Variants in YARS1 observed in about 807,000 individuals in gnomAD.
YARS1 encodes tyrosyl-tRNA synthetase 1.
A neutral mutation model predicts 62.2 loss-of-function variants in YARS1; 36 were observed. The ratio of observed to expected loss-of-function variants is 0.58; its 90% confidence interval spans 0.44 to 0.76. The LOEUF (loss-of-function observed/expected upper bound fraction) is 0.76. Ranked by LOEUF, YARS1 falls within the 30% of genes least tolerant of loss-of-function variation. YARS1 has a pLI of 0.00. For synonymous variants in YARS1, 234 were observed against 244.9 expected (o/e 0.96, Z 0.42); for missense variants, 524 against 639.8 (o/e 0.82, Z 1.95).
chr1:32,802,978 A>ACTTTTTTT (rs1374994869), intron 4 of YARS1, among the ~76,000 whole-genome samples: 1 of 89,412 alleles, frequency 1.1e-5, no homozygotes, highest in Non-Finnish European at 2.3e-5. Flanking sequence ...ACGCCTGGCT[A>ACTTTTTTT]TTTTTTTTTT....
chr1:32,780,735 A>G, intron 10 of YARS1: 2 of 454,572 alleles, frequency 4.4e-6, no homozygotes, highest in Non-Finnish European at 8.1e-6. Flanking sequence ...CCCATCCAAG[A>G]TAAGGCCTGT....
chr1:32,798,196 T>A, intron 4 of YARS1: 1 of 286,392 alleles, frequency 3.5e-6, no homozygotes, highest in Non-Finnish European at 6.8e-6. Context: ...ATTTCTTCTA[T>A]ATGGGTCTGA....
At chr1:32,778,324 G>C (rs750426464) in intron 12 of YARS1, among the ~76,000 whole-genome samples, 117 of 152,310 alleles carry the variant, frequency 7.7e-4, no homozygotes, top group Non-Finnish European at 1.2e-3. Flanking sequence ...TGTCCAGAAG[G>C]CAAGGAGACA....
At chr1:32,801,996 G>A (rs1446715919) in intron 4 of YARS1, among the ~76,000 whole-genome samples, 1 of 132,612 alleles carries the variant, frequency 7.5e-6, no homozygotes, top group East Asian at 2.2e-4. Flanking sequence ...CGCCCAGGCT[G>A]GAGTGCAGTG....
chr1:32,811,114 T>C (rs1245834457), intron 1 of YARS1, 57 bp from the exon 2 acceptor site: 1 of 1,610,650 alleles, frequency 6.2e-7, no homozygotes, highest in Non-Finnish European at 8.5e-7. Flanking sequence ...GCTCATCCTT[T>C]ACCATGTGAC....
intron 1 of YARS1, among the ~76,000 whole-genome samples, chr1:32,813,111 C>T (rs910782162): frequency 6.6e-6 from 1 of 152,082 alleles, no homozygotes; most frequent in African/African-American, 2.4e-5. Flanking sequence ...CCTAGAACCC[C>T]CACCCCCTTT....
intron 4 of YARS1, among the ~76,000 whole-genome samples, chr1:32,799,461 T>C (rs923537227): frequency 4.6e-5 from 7 of 152,178 alleles, no homozygotes; most frequent in African/African-American, 1.7e-4. Flanking sequence ...TGTGAAAGTC[T>C]AAGTGAGAAA....
chr1:32,806,656 G>T (rs370296827), intron 3 of YARS1, 45 bp from the exon 4 acceptor site: 118 of 1,613,606 alleles, frequency 7.3e-5, no homozygotes, highest in Non-Finnish European at 6.5e-5. Flanking sequence ...CTGGGCCTAG[G>T]CCTCAGTTTC....
At chr1:32,784,747 T>C (rs201070202) in intron 8 of YARS1, among the ~76,000 whole-genome samples, 1 of 152,056 alleles carries the variant, frequency 6.6e-6, no homozygotes. Flanking sequence ...CATACACACA[T>C]ATGTTAAAAA....
rs1188231936 is a variant in YARS1 at position 32,775,299 on chromosome 1, T to C, written c.*682A>G. 1 of 152,784 alleles carries C rather than the reference T, an allele frequency of 6.5e-6. No individual in the cohort carries two copies. The highest frequency in any genetic ancestry group is 1.5e-5 in the Non-Finnish European group (1 of 68,502). The allele number at this position is 152,784 out of a possible 1,614,324, so 9.5% of individuals were successfully genotyped here. On this transcript the variant is annotated 3_prime_UTR_variant, in exon 13 of 13. Coordinates refer to ENST00000373477, the MANE Select transcript of YARS1 (RefSeq NM_003680.4). ...TGATGGGGATTTGACTGAGATGCCT[T>C]ATGGAGAAGTACCCCACCCTCTATG... is the stretch of plus-strand genomic sequence containing the variant.
chr1:32,798,534 CTG>C (rs940006217), intron 4 of YARS1, among the ~76,000 whole-genome samples: 5 of 152,162 alleles, frequency 3.3e-5, no homozygotes, highest in Admixed American at 6.6e-5. Context: ...AAAGGTAAGA[CTG>C]AACTAGAAAA....
Position 32,791,168 on chromosome 1 carries a change from T to G in YARS1, c.678A>C (p.Ser226=). Residue 226 remains serine (S), a synonymous_variant, in exon 6 of 13, where the codon TCA becomes TCC. Coordinates refer to ENST00000373477, the MANE Select transcript of YARS1 (RefSeq NM_003680.4). The stretch of plus-strand genomic sequence containing the variant: ...GTCTCAGCTGGCAACTTACCTCTTC[T>G]GAAGAGCTCATTTTGCTGCCTGTTA... The part of the protein sequence containing the change: ...PGLTGSKMSS[S]EEESKIDLLD... 1 of 1,614,030 alleles carries G rather than the reference T, an allele frequency of 6.2e-7. No individual in the cohort carries two copies. The highest frequency in any genetic ancestry group is 8.5e-7 in the Non-Finnish European group (1 of 1,179,920).
chr1:32,809,179 T>G (rs3845499), intron 3 of YARS1, among the ~76,000 whole-genome samples: 1 of 151,954 alleles, frequency 6.6e-6, no homozygotes, highest in Non-Finnish European at 1.5e-5. Flanking sequence ...CTCCACCTCC[T>G]GGGTTCAAGT....
At chr1:32,790,853 A>T (rs1458335197) in intron 6 of YARS1, 1 of 350,224 alleles carries the variant, frequency 2.9e-6, no homozygotes, top group East Asian at 6.7e-5. Flanking sequence ...CAAAATGCTA[A>T]TTAGTGAAAT....
At chr1:32,791,573 G>C (rs1653413493) in intron 5 of YARS1, among the ~76,000 whole-genome samples, 2 of 152,040 alleles carry the variant, frequency 1.3e-5, no homozygotes, top group Admixed American at 1.3e-4. Flanking sequence ...AGGCTGAGGT[G>C]GGTGGATCAC....
chr1:32,782,731 T>G, intron 8 of YARS1, 192 bp from the exon 9 acceptor site: 1 of 690,162 alleles, frequency 1.4e-6, no homozygotes, highest in Admixed American at 2.7e-5. Flanking sequence ...AGTCTTTTGA[T>G]TCTGAAATCT....
intron 5 of YARS1, 29 bp from the exon 6 acceptor site, chr1:32,791,283 C>T (rs1765223): frequency 5.0e-6 from 8 of 1,585,414 alleles, no homozygotes; most frequent in Non-Finnish European, 6.9e-6. Flanking sequence ...ACACAAAAGC[C>T]GATATTAGTC....
At chr1:32,783,425 C>G (rs1027737705) in intron 8 of YARS1, 17 of 152,254 alleles carry the variant, frequency 1.1e-4, no homozygotes, top group African/African-American at 4.1e-4. Flanking sequence ...ATTCTCCTGC[C>G]TCAGCCTCCT....
chr1:32,790,827 G>A, intron 6 of YARS1: 1 of 321,272 alleles, frequency 3.1e-6, no homozygotes, highest in South Asian at 2.9e-5. Flanking sequence ...GTGATATCAA[G>A]TATTACCCTA....
Sources: gnomAD v4.1 joint callset for allele counts (sites outside exome capture counted in the v4.1 genomes callset) on GRCh38, gnomAD v4.1.1 for gene constraint, MANE v1.5 for transcripts, NCBI Gene and HGNC (gene_info 2026-07-23, HGNC 2026-07-21) for gene names.